TIMP3: variants seen among roughly 807,000 people sequenced by gnomAD.
The protein encoded by TIMP3 is TIMP metallopeptidase inhibitor 3.
In TIMP3, 11 loss-of-function variants were observed where a neutral mutation model predicts 30.0. That is an observed-to-expected ratio of 0.37 (90% CI 0.23 to 0.61). TIMP3 has a LOEUF of 0.61. TIMP3 is among the 20% of genes least tolerant of loss of function. The pLI is 0.70. For missense variants in TIMP3, 181 were observed against 276.8 expected (o/e 0.65, Z 2.45); for synonymous variants, 112 against 111.3 (o/e 1.01, Z -0.04).
At chr22:32,839,948 T>A (rs899778083) in intron 1 of TIMP3, among the ~76,000 whole-genome samples, 17 of 151,800 alleles carry the variant, frequency 1.1e-4, no homozygotes, top group Non-Finnish European at 1.8e-4. Context: ...CAGAAACCCA[T>A]CCTGCTCACA....
intron 1 of TIMP3, among the ~76,000 whole-genome samples, chr22:32,819,220 C>A (rs1369647809): frequency 6.6e-6 from 1 of 152,242 alleles, no homozygotes. Context: ...CAGGCCGGTG[C>A]TGGGTTTCAC....
Position 32,833,928 on chromosome 22 carries a change from A to C in TIMP3, c.122-15524A>C, listed in dbSNP as rs144376003. ...ATTAGAATTAGTATTGTAATCATTG[A>C]CAATAGGATTTTTATAATTAGGGAA... On this transcript the variant is annotated intron_variant, in intron 1 of 4. Transcript: ENST00000266085. 174 of 492,594 alleles carry C rather than the reference A, an allele frequency of 3.5e-4. 1 individual carries two copies. The highest frequency in any genetic ancestry group is 2.2e-3 in the Admixed American group (111 of 50,408). The allele number at this position is 492,594 out of a possible 1,614,324, so 30.5% of individuals were successfully genotyped here. A position where few individuals can be genotyped will look rare whatever the true frequency, so the allele number is the denominator to read the frequency against.
chr22:32,816,035 A>G (rs1451578627), intron 1 of TIMP3, among the ~76,000 whole-genome samples: 1 of 152,196 alleles, frequency 6.6e-6, no homozygotes, highest in Non-Finnish European at 1.5e-5. Flanking sequence ...TGAAGGGCCC[A>G]GGCAAAGCAG....
chr22:32,814,268 GGAGGGAGA>G (rs1306151757), intron 1 of TIMP3, among the ~76,000 whole-genome samples: 23 of 49,810 alleles, frequency 4.6e-4, no homozygotes, highest in South Asian at 1.8e-3. Context: ...AAAGAGGGAG[GGAGGGAGA>G]GAGGGAGAGA....
intron 1 of TIMP3, among the ~76,000 whole-genome samples, chr22:32,846,952 A>G (rs1359473500): frequency 6.6e-6 from 1 of 152,230 alleles, no homozygotes; most frequent in Non-Finnish European, 1.5e-5. Context: ...TTGTATGTGC[A>G]GAAGCTTCCA....
rs1033906898 is a variant in TIMP3 at position 32,843,486 on chromosome 22, C to T, written c.122-5966C>T. ...TCCAGGCCGACCTCCCTGTGGGTCCCTGACCTATTGCCTTTGCCATGAGCA... is the reference window on the plus strand; with the variant it reads ...TCCAGGCCGACCTCCCTGTGGGTCCTTGACCTATTGCCTTTGCCATGAGCA... On this transcript the variant is annotated intron_variant, in intron 1 of 4. Transcript: ENST00000266085. 3.3e-5 allele frequency among the ~76,000 whole-genome samples: 5 copies of T among 152,216 alleles called. No individual in the cohort carries two copies. The East Asian group carries it at 9.6e-4, about 29-fold the overall frequency.
chr22:32,852,577 G>A (rs1290790720), intron 2 of TIMP3, among the ~76,000 whole-genome samples: 1 of 152,146 alleles, frequency 6.6e-6, no homozygotes, highest in Non-Finnish European at 1.5e-5. Flanking sequence ...CTTCCTTAGA[G>A]CAGGACTAAA....
intron 1 of TIMP3, among the ~76,000 whole-genome samples, chr22:32,803,574 A>G (rs1254556713): frequency 6.6e-6 from 1 of 152,124 alleles, no homozygotes; most frequent in Non-Finnish European, 1.5e-5. Context: ...GATTGCTTAG[A>G]AAGATCCTTT....
At chr22:32,834,216 G>A (rs554956824) in intron 1 of TIMP3, among the ~76,000 whole-genome samples, 32 of 151,956 alleles carry the variant, frequency 2.1e-4, no homozygotes, top group South Asian at 1.5e-3. Context: ...GCAGTGGCAC[G>A]ATCTCGGCTC....
At chr22:32,809,709 T>C (rs927190589) in intron 1 of TIMP3, among the ~76,000 whole-genome samples, 4 of 152,236 alleles carry the variant, frequency 2.6e-5, no homozygotes, top group Non-Finnish European at 5.9e-5. Context: ...TACTAATTAA[T>C]TATAGCCGAA....
intron 1 of TIMP3, among the ~76,000 whole-genome samples, chr22:32,825,016 C>T (rs1458162947): frequency 1.3e-5 from 2 of 152,118 alleles, no homozygotes; most frequent in Non-Finnish European, 2.9e-5. Context: ...CTACTCAGAC[C>T]CTGGAACTTT....
chr22:32,857,409 G>C, intron 3 of TIMP3, 49 bp downstream of exon 3: 1 of 1,391,060 alleles, frequency 7.2e-7, no homozygotes, highest in Non-Finnish European at 1.0e-6. Flanking sequence ...AAGGTCCACT[G>C]TTTCTTGACT....
chr22:32,825,803 A>G (rs2047392923), intron 1 of TIMP3, among the ~76,000 whole-genome samples: 2 of 152,042 alleles, frequency 1.3e-5, no homozygotes. Context: ...AGTTGTTTAT[A>G]AAAGCATCCA....
Position 32,858,028 on chromosome 22 carries a change from G to A in TIMP3, c.328G>A (p.Asp110Asn), listed in dbSNP as rs1383753640. ...YQYLLTGRVYDGKMYTGLCNF... is the reference protein window; with the variant it reads ...YQYLLTGRVYNGKMYTGLCNF... Reference sequence around the variant, plus strand: ...CTTTCCTCCTGTAGGTCGCGTCTATGATGGCAAGATGTACACGGGGCTGTG... The same window carrying A: ...CTTTCCTCCTGTAGGTCGCGTCTATAATGGCAAGATGTACACGGGGCTGTG... The change falls in exon 4 of 5, where the codon GAT (aspartate) becomes AAT (asparagine). Residue 110 changes from aspartate to asparagine, a missense_variant. By Grantham distance (23) the Asp-to-Asn change is conservative. Transcript: ENST00000266085. 6.2e-7 allele frequency: 1 copy of A among 1,614,194 alleles called. No individual in the cohort carries two copies. The highest frequency in any genetic ancestry group is 8.5e-7 in the Non-Finnish European group (1 of 1,180,040).
intron 1 of TIMP3, among the ~76,000 whole-genome samples, chr22:32,813,349 C>T (rs2146000513): frequency 6.6e-6 from 1 of 152,256 alleles, no homozygotes; most frequent in South Asian, 2.1e-4. Context: ...GTGAACCGTA[C>T]AGTCCAGGTC....
intron 1 of TIMP3, among the ~76,000 whole-genome samples, chr22:32,831,363 A>T (rs2047568592): frequency 6.6e-6 from 1 of 152,208 alleles, no homozygotes; most frequent in Non-Finnish European, 1.5e-5. Flanking sequence ...GTTAACTCAG[A>T]GCATTAGAGT....
In TIMP3 at chr22:32,810,976, TG is replaced by T. The variant is rs930020630; in HGVS notation, c.121+8860del. 2.6e-5 allele frequency among the ~76,000 whole-genome samples: 4 copies of T among 152,130 alleles called. No individual in the cohort carries two copies. The East Asian group carries it at 5.8e-4, about 22-fold the overall frequency. On this transcript the variant is annotated intron_variant, in intron 1 of 4. Transcript: ENST00000266085. ...TGCCTCAGTTTCCTCATCTCTAAAA[TG>T]GGGGGAAATATATTATGTACCACGT... is the stretch of plus-strand genomic sequence containing the variant.
At chr22:32,807,102 A>G (rs1397716630) in intron 1 of TIMP3, among the ~76,000 whole-genome samples, 1 of 150,632 alleles carries the variant, frequency 6.6e-6, no homozygotes, top group Non-Finnish European at 1.5e-5. Flanking sequence ...CAGTCTCCTG[A>G]CTGCCCCCCT....
At chr22:32,808,570 A>G (rs886381511) in intron 1 of TIMP3, among the ~76,000 whole-genome samples, 7 of 152,032 alleles carry the variant, frequency 4.6e-5, no homozygotes, top group Non-Finnish European at 7.4e-5. Flanking sequence ...GCCAGTGTGG[A>G]CCCTGCCTAC....
Sources: gnomAD v4.1 joint callset for allele counts (sites outside exome capture counted in the v4.1 genomes callset) on GRCh38, gnomAD v4.1.1 for gene constraint, MANE v1.5 for transcripts, NCBI Gene and HGNC (gene_info 2026-07-23, HGNC 2026-07-21) for gene names.